TMEM63A: variants seen among roughly 807,000 people sequenced by gnomAD.
TMEM63A encodes mechanosensitive cation channel TMEM63A.
In TMEM63A, 76 loss-of-function variants were observed where a neutral mutation model predicts 100.6. The observed-to-expected ratio is 0.76, with a 90% CI of 0.63 to 0.91. The LOEUF is 0.91. Ranked by LOEUF, TMEM63A falls within the 40% of genes least tolerant of loss-of-function variation. TMEM63A has a pLI of 0.00. For synonymous variants in TMEM63A, 401 were observed against 401.1 expected (o/e 1.00, Z 0.00); for missense variants, 876 against 1,008.8 (o/e 0.87, Z 1.78).
At chr1:225,869,074 C>A (rs905340424) in intron 6 of TMEM63A, among the ~76,000 whole-genome samples, 1 of 152,214 alleles carries the variant, frequency 6.6e-6, no homozygotes, top group African/African-American at 2.4e-5. Flanking sequence ...CATAAAAAGG[C>A]AGATGTGAAA....
In TMEM63A at chr1:225,872,131, T is replaced by A. The variant is rs576131881; in HGVS notation, c.267-78A>T. On this transcript the variant is annotated intron_variant, in intron 4 of 24. Coordinates refer to ENST00000366835, the MANE Select transcript of TMEM63A (RefSeq NM_014698.3). ...AGCCAAACAAGTCAAAAAGATCACA[T>A]CCAGTATTTTGCTGCCTCTTGGAGC... is the stretch of plus-strand genomic sequence containing the variant. 4 of 1,137,686 alleles carry A rather than the reference T, an allele frequency of 3.5e-6. No individual in the cohort carries two copies. In the South Asian group the frequency reaches 4.2e-5, roughly 12 times the overall value. 70.5% of individuals were successfully genotyped at this position (1,137,686 alleles called of 1,614,324 possible).
chr1:225,854,816 G>A (rs1669533862), intron 18 of TMEM63A, among the ~76,000 whole-genome samples: 1 of 152,172 alleles, frequency 6.6e-6, no homozygotes, highest in African/African-American at 2.4e-5. Context: ...CCAGAACTGG[G>A]GGCTGAGCCT....
chr1:225,874,430 G>C, intron 3 of TMEM63A, 63 bp from the exon 4 acceptor site: 3 of 1,451,312 alleles, frequency 2.1e-6, no homozygotes, highest in Non-Finnish European at 1.9e-6. Context: ...AAGACACAGC[G>C]GTCTCAGGGG....
At chr1:225,872,689 C>CTTTTTTTTTTTTT (rs67884791) in intron 4 of TMEM63A, among the ~76,000 whole-genome samples, 1 of 87,062 alleles carries the variant, frequency 1.1e-5, no homozygotes. Flanking sequence ...TGCTTTTCTT[C>CTTTTTTTTTTTTT]TTTTTTTTTT....
At chr1:225,882,238 T>A (rs1671127041) in intron 1 of TMEM63A, 66 bp downstream of exon 1, 1 of 141,654 alleles carries the variant, frequency 7.1e-6, no homozygotes, top group Non-Finnish European at 1.6e-5. Flanking sequence ...ACCGGACACC[T>A]GGCGCGCACG....
downstream of TMEM63A, chr1:225,840,859 T>G (rs1296312425): frequency 6.6e-6 from 1 of 152,296 alleles, no homozygotes; most frequent in Admixed American, 6.5e-5. Flanking sequence ...GGCAAACCCA[T>G]GCCCACACAC....
downstream of TMEM63A, among the ~76,000 whole-genome samples, chr1:225,842,966 G>A (rs1668554021): frequency 6.6e-6 from 1 of 152,192 alleles, no homozygotes; most frequent in African/African-American, 2.4e-5. Context: ...CTTCACCAAG[G>A]TCAGCTCTGA....
chr1:225,844,730 G>T, downstream of TMEM63A: 1 of 1,524,734 alleles, frequency 6.6e-7, no homozygotes. Flanking sequence ...GTATAGCCTT[G>T]CCTGCAGGTG....
chr1:225,872,057 G>T lies in TMEM63A; in HGVS notation c.267-4C>A. 6.3e-7 allele frequency: 1 copy of T among 1,586,004 alleles called. No individual in the cohort carries two copies. The highest frequency in any genetic ancestry group is 8.6e-7 in the Non-Finnish European group (1 of 1,163,358). On this transcript the variant is annotated splice_region_variant and splice_polypyrimidine_tract_variant and intron_variant, in intron 4 of 24. Transcript: ENST00000366835. The stretch of plus-strand genomic sequence containing the variant: ...CAATCTCTGAAATCTGGACTCGCTA[G>T]AGACACAAAAAGAAAAAAAATGACA...
intron 23 of TMEM63A, 138 bp downstream of exon 23, chr1:225,848,354 C>T (rs1576063548): frequency 6.1e-6 from 5 of 822,116 alleles, no homozygotes; most frequent in Middle Eastern, 3.6e-4. Context: ...CCTTCTCTGC[C>T]ATTAATTCAC....
At chr1:225,874,498 G>A (rs1670677348) in intron 3 of TMEM63A, 131 bp from the exon 4 acceptor site, 2 of 718,182 alleles carry the variant, frequency 2.8e-6, no homozygotes, top group Non-Finnish European at 4.6e-6. Context: ...GGCCCAGAGA[G>A]GGCACTGAAG....
In TMEM63A at chr1:225,867,284, A is replaced by T; in HGVS notation, c.515-121T>A. The T allele has an allele frequency of 1.0e-6, 1 of 981,388 alleles. No homozygotes were observed. The highest frequency in any genetic ancestry group is 1.6e-6 in the Non-Finnish European group (1 of 610,152). 60.8% of individuals were successfully genotyped at this position (981,388 alleles called of 1,614,324 possible). A position where few individuals can be genotyped will look rare whatever the true frequency, so the allele number is the denominator to read the frequency against. On this transcript the variant is annotated intron_variant, in intron 7 of 24. Coordinates refer to ENST00000366835, the MANE Select transcript of TMEM63A (RefSeq NM_014698.3). This position sits in a 1 kb window ranked among gnomAD's most constrained non-coding sequence, Gnocchi z 4.6. Reference sequence around the variant, plus strand: ...GGAGCATGTCTGGACCAGCAGGAAGACAACGTCTGACTGGTCTTTCCAGAG... The same window carrying T: ...GGAGCATGTCTGGACCAGCAGGAAGTCAACGTCTGACTGGTCTTTCCAGAG...
At chr1:225,871,144 C>T in intron 5 of TMEM63A, 31 bp from the exon 6 acceptor site, 1 of 1,610,942 alleles carries the variant, frequency 6.2e-7, no homozygotes, top group Non-Finnish European at 8.5e-7. Flanking sequence ...GATTAGCTTC[C>T]AACATTTGTG....
chr1:225,849,558 A>G (rs1468229531), intron 21 of TMEM63A, among the ~76,000 whole-genome samples: 1 of 152,196 alleles, frequency 6.6e-6, no homozygotes, highest in Non-Finnish European at 1.5e-5. Flanking sequence ...TCTTCTCTCC[A>G]GGGATGTATG....
chr1:225,852,485 C>T (rs548514257), intron 20 of TMEM63A, among the ~76,000 whole-genome samples, 179 bp downstream of exon 20: 1 of 151,950 alleles, frequency 6.6e-6, no homozygotes, highest in East Asian at 1.9e-4. Context: ...TGTCTCAAAA[C>T]AAAAAAAGAA....
Position 225,865,893 on chromosome 1 carries a change from T to C in TMEM63A, c.746+4A>G. On this transcript the variant is annotated splice_donor_region_variant and intron_variant, in intron 10 of 24. Coordinates refer to ENST00000366835, the MANE Select transcript of TMEM63A (RefSeq NM_014698.3). This position sits in a 1 kb window ranked among gnomAD's most constrained non-coding sequence, Gnocchi z 4.6. ...TCAGCTCCCCTCCCACCCCACCTGC[T>C]TACCGGAAGTGGCTCTCCACAGTCT... 6.2e-7 allele frequency: 1 copy of C among 1,613,830 alleles called. No homozygotes were observed. Among genetic ancestry groups the C allele is most frequent in the African/African-American group, 1.3e-5 (1 of 75,054 alleles).
chr1:225,844,839 C>T (rs550711978), downstream of TMEM63A, among the ~76,000 whole-genome samples: 8 of 152,264 alleles, frequency 5.3e-5, no homozygotes, highest in South Asian at 2.1e-4. Flanking sequence ...CCCTCAGTAC[C>T]GCTCCCCAGT....
At chr1:225,842,035 A>G (rs45621640), downstream of TMEM63A, among the ~76,000 whole-genome samples, 2 of 152,160 alleles carry the variant, frequency 1.3e-5, no homozygotes, top group African/African-American at 4.8e-5. Context: ...TAGACTGAAA[A>G]ACCCCGCCTT....
intron 23 of TMEM63A, chr1:225,848,087 G>A (rs924767993): frequency 1.1e-5 from 2 of 177,962 alleles, no homozygotes; most frequent in African/African-American, 4.7e-5. Context: ...TCAAAGGGAA[G>A]TCTGCCTGAC....
Sources: gnomAD v4.1 joint callset for allele counts (sites outside exome capture counted in the v4.1 genomes callset) on GRCh38, gnomAD v4.1.1 for gene constraint, Gnocchi (gnomAD v3.1) non-coding constraint, MANE v1.5 for transcripts, NCBI Gene and HGNC (gene_info 2026-07-23, HGNC 2026-07-21) for gene names.